WNT8B: variants seen among roughly 807,000 people sequenced by gnomAD.
WNT8B encodes protein Wnt-8b.
A neutral mutation model predicts 36.6 loss-of-function variants in WNT8B; 24 were observed. The observed-to-expected ratio is 0.66, with a 90% CI of 0.48 to 0.92. WNT8B has a LOEUF of 0.92. Ranked by LOEUF, WNT8B falls within the 40% of genes least tolerant of loss-of-function variation. The pLI is 0.00. For missense variants in WNT8B, 402 were observed against 470.8 expected, an observed-to-expected ratio of 0.85 and a Z score of 1.35; for synonymous variants, 199 against 189.8, an observed-to-expected ratio of 1.05 and a Z score of -0.40.
chr10:100,474,381 A>C (rs1348103881), intron 1 of WNT8B, among the ~76,000 whole-genome samples: 1 of 152,216 alleles, frequency 6.6e-6, no homozygotes, highest in Non-Finnish European at 1.5e-5. Flanking sequence ...CTTCAATCAC[A>C]TAACTGCCAC....
Position 100,465,916 on chromosome 10 carries a change from G to A in WNT8B, c.68+2680G>A, listed in dbSNP as rs561175489. Among the ~76,000 whole-genome samples the A allele has an allele frequency of 2.6e-5, 4 of 152,078 alleles. No homozygotes were observed. In the South Asian group the frequency reaches 8.3e-4, roughly 32 times the overall value. On this transcript the variant is annotated intron_variant, in intron 1 of 5. Coordinates refer to ENST00000343737, the MANE Select transcript of WNT8B (RefSeq NM_003393.4). ...GTCTTTGAATCCATATTCTCACCAA[G>A]CATTGCATAAAGCTGAAATTATTGA...
intron 3 of WNT8B, 63 bp downstream of exon 3, chr10:100,480,075 A>G: frequency 6.3e-7 from 1 of 1,575,626 alleles, no homozygotes; most frequent in Non-Finnish European, 8.6e-7. Flanking sequence ...CCCCAGGGAT[A>G]GCCCCTTGCC....
chr10:100,483,068 T>G lies in WNT8B; in HGVS notation c.*252T>G. ...AACTCAGGCTTTGAGTTACTGATCT[T>G]CCTTGGATTAGGAGAACAGGTGTTC... On this transcript the variant is annotated 3_prime_UTR_variant, in exon 6 of 6. Transcript: ENST00000343737. 2.2e-6 allele frequency: 1 copy of G among 447,888 alleles called. No homozygotes were observed. Among genetic ancestry groups the G allele is most frequent in the African/African-American group, 2.0e-5 (1 of 48,862 alleles). 27.7% of individuals were successfully genotyped at this position (447,888 alleles called of 1,614,324 possible). A position where few individuals can be genotyped will look rare whatever the true frequency, so the allele number is the denominator to read the frequency against.
chr10:100,482,692 G>C lies in WNT8B; in HGVS notation c.932G>C (p.Cys311Ser). The change falls in exon 6 of 6, where the codon TGC becomes TCC. Residue 311 changes from cysteine (C) to serine (S), a missense_variant. Physicochemically the swap from Cys to Ser is moderately radical, Grantham distance 112 (BLOSUM62 -1). Coordinates refer to ENST00000343737, the MANE Select transcript of WNT8B (RefSeq NM_003393.4). The surrounding 1 kb of genome is among the most constrained non-coding windows in gnomAD (Gnocchi z 6.6). Reference sequence around the variant, plus strand: ...GCCGAGACCGTGTCCAGCTGCAACTGCAAGTTCCACTGGTGCTGCGCAGTC... The same window carrying C: ...GCCGAGACCGTGTCCAGCTGCAACTCCAAGTTCCACTGGTGCTGCGCAGTC... ...RRAETVSSCNCKFHWCCAVRC... is the reference protein window; with the variant it reads ...RRAETVSSCNSKFHWCCAVRC... 2 of 1,610,454 alleles carry C rather than the reference G, an allele frequency of 1.2e-6. No homozygotes were observed. The highest frequency in any genetic ancestry group is 1.7e-6 in the Non-Finnish European group (2 of 1,179,274).
chr10:100,470,538 C>CA (rs1456997865), intron 1 of WNT8B, among the ~76,000 whole-genome samples: 1 of 151,216 alleles, frequency 6.6e-6, no homozygotes, highest in Non-Finnish European at 1.5e-5. Flanking sequence ...GCTGATGACT[C>CA]AGAGACATTT....
At chr10:100,469,935 C>A (rs1214934813) in intron 1 of WNT8B, among the ~76,000 whole-genome samples, 5 of 152,196 alleles carry the variant, frequency 3.3e-5, no homozygotes, top group Non-Finnish European at 7.3e-5. Context: ...CCAGCTATAG[C>A]CCCTGGCAGT....
chr10:100,473,302 A>T (rs1206521322), intron 1 of WNT8B, among the ~76,000 whole-genome samples: 1 of 152,202 alleles, frequency 6.6e-6, no homozygotes, highest in Non-Finnish European at 1.5e-5. Flanking sequence ...CATACTATAA[A>T]AGGCACCCTT....
chr10:100,478,970 G>T (rs1851075121), intron 1 of WNT8B, 82 bp from the exon 2 acceptor site: 15 of 1,240,368 alleles, frequency 1.2e-5, no homozygotes, highest in Non-Finnish European at 1.6e-5. Flanking sequence ...ATGTGCTGAA[G>T]TAATTCTTAC....
chr10:100,468,593 C>A (rs955439282), intron 1 of WNT8B, among the ~76,000 whole-genome samples: 22 of 152,204 alleles, frequency 1.4e-4, no homozygotes, highest in Admixed American at 1.4e-3. Flanking sequence ...ATGCTAAGTG[C>A]TGAAGTGCTT....
At chr10:100,468,474 T>C (rs960250197) in intron 1 of WNT8B, among the ~76,000 whole-genome samples, 4 of 152,228 alleles carry the variant, frequency 2.6e-5, no homozygotes, top group African/African-American at 9.6e-5. Context: ...GTTCCCGTGA[T>C]CCCAGGCTTT....
chr10:100,476,717 C>G (rs537822482), intron 1 of WNT8B, among the ~76,000 whole-genome samples: 1 of 152,048 alleles, frequency 6.6e-6, no homozygotes, highest in African/African-American at 2.4e-5. Context: ...AGTCTTTAGC[C>G]CTGCAGATCA....
Position 100,481,898 on chromosome 10 carries a change from C to T in WNT8B, c.368-14C>T. The T allele has an allele frequency of 5.6e-6, 9 of 1,613,950 alleles. No individual in the cohort carries two copies. Among genetic ancestry groups the T allele is most frequent in the Non-Finnish European group, 7.6e-6 (9 of 1,179,958 alleles). On this transcript the variant is annotated splice_polypyrimidine_tract_variant and intron_variant, in intron 4 of 5. Transcript: ENST00000343737. ...GCTTGCTCAATGACCTGTCCTCCCT[C>T]TGCACTTTTCCAGGGGGACAAGGCT... is the stretch of plus-strand genomic sequence containing the variant.
intron 1 of WNT8B, among the ~76,000 whole-genome samples, chr10:100,471,197 A>G (rs1361048994): frequency 6.6e-6 from 1 of 152,250 alleles, no homozygotes; most frequent in Non-Finnish European, 1.5e-5. Flanking sequence ...GGTTTGTATA[A>G]GTACATTCTA....
chr10:100,468,024 A>G (rs1850925428), intron 1 of WNT8B, among the ~76,000 whole-genome samples: 1 of 152,246 alleles, frequency 6.6e-6, no homozygotes, highest in South Asian at 2.1e-4. Flanking sequence ...GGAACATTGT[A>G]CATTTCTCCC....
intron 2 of WNT8B, among the ~76,000 whole-genome samples, chr10:100,479,338 CT>C (rs1397491281): frequency 1.3e-5 from 2 of 152,152 alleles, no homozygotes; most frequent in Non-Finnish European, 2.9e-5. Context: ...AGTCAACAGC[CT>C]TTTATAGGTG....
intron 1 of WNT8B, among the ~76,000 whole-genome samples, chr10:100,473,262 T>A (rs1331125662): frequency 1.3e-5 from 2 of 152,186 alleles, no homozygotes; most frequent in Non-Finnish European, 1.5e-5. Context: ...GTGAGATTTT[T>A]AAATAATAGC....
Position 100,482,311 on chromosome 10 carries a change from G to A in WNT8B, c.551G>A (p.Gly184Asp), listed in dbSNP as rs771780531. 1 of 1,597,858 alleles carries A rather than the reference G, an allele frequency of 6.3e-7. No homozygotes were observed. The highest frequency in any genetic ancestry group is 8.5e-7 in the Non-Finnish European group (1 of 1,177,092). Residue 184 changes from glycine (G) to aspartate (D), a missense_variant, in exon 6 of 6, where the codon GGC (glycine) becomes GAC (aspartate). Coordinates refer to ENST00000343737, the MANE Select transcript of WNT8B (RefSeq NM_003393.4). This position sits in a 1 kb window ranked among gnomAD's most constrained non-coding sequence, Gnocchi z 6.6. ...ATGAAACGCACGTGCAAGTGCCACG[G>A]CGTGTCTGGCAGCTGCACCACGCAG... ...GTMKRTCKCH[G>D]VSGSCTTQTC...
At chr10:100,467,749 A>G (rs1376150582) in intron 1 of WNT8B, among the ~76,000 whole-genome samples, 3 of 152,208 alleles carry the variant, frequency 2.0e-5, no homozygotes, top group Admixed American at 6.5e-5. Flanking sequence ...TTTTGTTTTA[A>G]AATTTTCATA....
chr10:100,472,786 C>T (rs915633461), intron 1 of WNT8B, among the ~76,000 whole-genome samples: 1 of 152,174 alleles, frequency 6.6e-6, no homozygotes, highest in Non-Finnish European at 1.5e-5. Context: ...CAATTATGCA[C>T]AGCACTAAGT....
Sources: gnomAD v4.1 joint callset for allele counts (sites outside exome capture counted in the v4.1 genomes callset) on GRCh38, gnomAD v4.1.1 for gene constraint, Gnocchi (gnomAD v3.1) non-coding constraint, MANE v1.5 for transcripts, NCBI Gene and HGNC (gene_info 2026-07-23, HGNC 2026-07-21) for gene names.